SORCS2: variants seen among roughly 807,000 people sequenced by gnomAD.
SORCS2 encodes VPS10 domain-containing receptor SorCS2.
Under a neutral mutation model 141.6 loss-of-function variants are expected in SORCS2, and 100 were observed. That is an observed-to-expected ratio of 0.71 (90% CI 0.60 to 0.83). The LOEUF (loss-of-function observed/expected upper bound fraction) is 0.83, where lower values mean the gene tolerates loss of function less well. Ranked by LOEUF, SORCS2 falls within the 40% of genes least tolerant of loss-of-function variation. The pLI, the probability that SORCS2 is intolerant of heterozygous loss-of-function variation, is 0.00. For missense variants in SORCS2, 1,646 were observed against 1,560.2 expected (o/e 1.05, Z -0.93); for synonymous variants, 789 against 676.9 (o/e 1.17, Z -2.57).
intron 3 of SORCS2, among the ~76,000 whole-genome samples, chr4:7,628,333 A>C (rs1719650021): frequency 6.6e-6 from 1 of 152,016 alleles, no homozygotes; most frequent in Non-Finnish European, 1.5e-5. Context: ...CCATCCTGTG[A>C]ATGGAGAAAC....
chr4:7,461,894 AG>A, intron 2 of SORCS2, among the ~76,000 whole-genome samples: 1 of 150,790 alleles, frequency 6.6e-6, no homozygotes, highest in South Asian at 2.1e-4. Flanking sequence ...CACACCTGGG[AG>A]GTGCTGTCCC....
rs540810110 is a variant in SORCS2, at chr4:7,623,196, C to T, written c.649-15132C>T. Among the ~76,000 whole-genome samples, 6 of 152,300 alleles carry T rather than the reference C, an allele frequency of 3.9e-5. No homozygotes were observed. The East Asian group carries it at 1.2e-3, about 29-fold the overall frequency. On this transcript the variant is annotated intron_variant, in intron 3 of 26. Transcript: ENST00000507866. Reference sequence around the variant, plus strand: ...GCCCTGCCTTTTACAATCAGTGACACTCAGAGACACTGATGCCCCACCTTT... The same window carrying T: ...GCCCTGCCTTTTACAATCAGTGACATTCAGAGACACTGATGCCCCACCTTT...
intron 1 of SORCS2, among the ~76,000 whole-genome samples, chr4:7,226,177 T>C (rs1728981026): frequency 6.6e-6 from 1 of 151,834 alleles, no homozygotes; most frequent in African/African-American, 2.4e-5. Context: ...ACTGAGGGAG[T>C]GTCTATGGTG....
In SORCS2 at chr4:7,682,822, G is replaced by A. The variant is rs763413412; in HGVS notation, c.1421G>A (p.Gly474Asp). ...KVMTLITYNKGRDWDYLRPPS... is the reference protein window; with the variant it reads ...KVMTLITYNKDRDWDYLRPPS... ...ATGACGCTTATAACCTACAACAAGG[G>A]CCGCGACTGGGATTACCTGAGGCCA... The change falls in exon 10 of 27, where the codon GGC becomes GAC. Residue 474 changes from glycine to aspartate, a missense_variant. Transcript: ENST00000507866. 6.2e-7 allele frequency: 1 copy of A among 1,613,026 alleles called. No homozygotes were observed. Among genetic ancestry groups the A allele is most frequent in the Non-Finnish European group, 8.5e-7 (1 of 1,179,498 alleles).
chr4:7,402,411 A>T (rs985027766), intron 2 of SORCS2, among the ~76,000 whole-genome samples: 4 of 152,204 alleles, frequency 2.6e-5, no homozygotes, highest in Non-Finnish European at 5.9e-5. Flanking sequence ...CCTGCAATCA[A>T]TATGTTCTGC....
intron 3 of SORCS2, among the ~76,000 whole-genome samples, chr4:7,543,891 C>T (rs748284843): frequency 4.5e-4 from 23 of 51,442 alleles, no homozygotes; most frequent in East Asian, 5.9e-4. Flanking sequence ...CACCCACCCA[C>T]CCATCCATCC....
At chr4:7,620,758 ACTGAAG>A (rs934740014) in intron 3 of SORCS2, among the ~76,000 whole-genome samples, 1 of 151,926 alleles carries the variant, frequency 6.6e-6, no homozygotes, top group African/African-American at 2.4e-5. Flanking sequence ...CAGACTAGAA[ACTGAAG>A]CTGAAGCTGA....
At chr4:7,433,437 C>T in intron 2 of SORCS2, 1 of 1,531,340 alleles carries the variant, frequency 6.5e-7, no homozygotes. Flanking sequence ...CCAGGGCACA[C>T]TGGTCGGTGC....
chr4:7,458,452 G>T (rs1729064205), intron 2 of SORCS2, among the ~76,000 whole-genome samples: 1 of 152,092 alleles, frequency 6.6e-6, no homozygotes, highest in Non-Finnish European at 1.5e-5. Context: ...AGGATGTGGG[G>T]AAACCGTGGA....
intron 1 of SORCS2, among the ~76,000 whole-genome samples, chr4:7,394,198 T>A (rs1724054968): frequency 6.6e-6 from 1 of 152,280 alleles, no homozygotes; most frequent in South Asian, 2.1e-4. Context: ...CACTGGCCTC[T>A]GCCCGACTTC....
intron 2 of SORCS2, among the ~76,000 whole-genome samples, chr4:7,491,427 T>C (rs1383107728): frequency 6.6e-6 from 1 of 152,246 alleles, no homozygotes; most frequent in Admixed American, 6.5e-5. Flanking sequence ...TGCCCCTCTC[T>C]GCAGGCAGGT....
intron 3 of SORCS2, among the ~76,000 whole-genome samples, chr4:7,578,783 A>G (rs1436349992): frequency 6.6e-6 from 1 of 152,158 alleles, no homozygotes; most frequent in African/African-American, 2.4e-5. Flanking sequence ...AATAAAACAC[A>G]CGGAGGATTT....
chr4:7,206,051 A>G (rs1727712522), intron 1 of SORCS2, among the ~76,000 whole-genome samples: 2 of 151,766 alleles, frequency 1.3e-5, no homozygotes, highest in South Asian at 2.1e-4. Flanking sequence ...ATCTCAAAAC[A>G]AAAACAAAAA....
At chr4:7,732,227 C>T (rs1357729189) in intron 23 of SORCS2, among the ~76,000 whole-genome samples, 1 of 152,194 alleles carries the variant, frequency 6.6e-6, no homozygotes, top group Non-Finnish European at 1.5e-5. Context: ...GGGAAATGCT[C>T]ATTGAAGCCA....
Position 7,664,588 on chromosome 4 carries a change from A to T in SORCS2, c.1071+117A>T, listed in dbSNP as rs903128378. On this transcript the variant is annotated intron_variant, in intron 7 of 26. Coordinates refer to ENST00000507866, the MANE Select transcript of SORCS2 (RefSeq NM_020777.3). This position sits in a 1 kb window ranked among gnomAD's most constrained non-coding sequence, Gnocchi z 4.7. The stretch of plus-strand genomic sequence containing the variant: ...GCAATAAAACGGGTATTTCACTCTC[A>T]AATGCTACTTCGCAGGTCACGGTTT... 1 of 706,006 alleles carries T rather than the reference A, an allele frequency of 1.4e-6. No individual in the cohort carries two copies. Among genetic ancestry groups the T allele is most frequent in the African/African-American group, 1.8e-5 (1 of 55,414 alleles). The allele number at this position is 706,006 out of a possible 1,614,324, so 43.7% of individuals were successfully genotyped here.
chr4:7,344,042 C>T lies in SORCS2; in HGVS notation c.481-52246C>T, dbSNP rs1236859482. Among the ~76,000 whole-genome samples, 9 of 152,354 alleles carry T rather than the reference C, an allele frequency of 5.9e-5. No homozygotes were observed. In the East Asian group the frequency reaches 1.2e-3, roughly 20 times the overall value. Reference sequence around the variant, plus strand: ...TCCAAGTTGCCCCAAGATGTTCTTTCTCCTTGGCCTGCAAGTGAATACTGA... The same window carrying T: ...TCCAAGTTGCCCCAAGATGTTCTTTTTCCTTGGCCTGCAAGTGAATACTGA... On this transcript the variant is annotated intron_variant, in intron 1 of 26. Coordinates refer to ENST00000507866, the MANE Select transcript of SORCS2 (RefSeq NM_020777.3).
intron 1 of SORCS2, among the ~76,000 whole-genome samples, chr4:7,392,862 C>T (rs955927756): frequency 4.7e-5 from 7 of 150,044 alleles, no homozygotes; most frequent in South Asian, 2.1e-4. Flanking sequence ...TTTCCTCAGC[C>T]GTAATGTGAG....
chr4:7,730,238 C>T (rs1711557832), intron 23 of SORCS2, among the ~76,000 whole-genome samples: 1 of 152,158 alleles, frequency 6.6e-6, no homozygotes, highest in South Asian at 2.1e-4. Flanking sequence ...CCTTCACACC[C>T]ACTAGGGTGG....
chr4:7,561,995 T>C (rs1008867604), intron 3 of SORCS2, among the ~76,000 whole-genome samples: 1 of 152,232 alleles, frequency 6.6e-6, no homozygotes, highest in Admixed American at 6.5e-5. Context: ...GTCCCACAAA[T>C]ATTTCTAGAG....
Sources: gnomAD v4.1 joint callset for allele counts (sites outside exome capture counted in the v4.1 genomes callset) on GRCh38, gnomAD v4.1.1 for gene constraint, Gnocchi (gnomAD v3.1) non-coding constraint, MANE v1.5 for transcripts, NCBI Gene and HGNC (gene_info 2026-07-23, HGNC 2026-07-21) for gene names.